Variants in PAMR1 observed in about 807,000 individuals in gnomAD.
The protein encoded by PAMR1 is inactive serine protease PAMR1.
PAMR1 carries 88 observed loss-of-function variants against 81.8 expected under a neutral mutation model. The observed-to-expected ratio is 1.08, with a 90% CI of 0.91 to 1.28. The LOEUF (loss-of-function observed/expected upper bound fraction) is 1.28. Among genes scored for constraint, PAMR1 ranks in the 50% most tolerant of loss-of-function variants. The pLI is 0.00. For synonymous variants in PAMR1, 336 were observed against 345.3 expected (o/e 0.97, Z 0.30); for missense variants, 935 against 919.7 (o/e 1.02, Z -0.21).
intron 1 of PAMR1, 132 bp downstream of exon 1, chr11:35,525,381 C>A (rs1031438711): frequency 6.4e-5 from 45 of 702,042 alleles, no homozygotes; most frequent in Admixed American, 2.2e-4. Context: ...ACCACCCCCC[C>A]TCAACCCCTC....
chr11:35,487,262 G>T (rs183910875), intron 3 of PAMR1, among the ~76,000 whole-genome samples: 1 of 150,028 alleles, frequency 6.7e-6, no homozygotes. Flanking sequence ...ATCCCTGAAA[G>T]CTTCAACTTA....
At chr11:35,488,686 T>TC (rs1438722353) in intron 3 of PAMR1, among the ~76,000 whole-genome samples, 2 of 145,462 alleles carry the variant, frequency 1.4e-5, no homozygotes, top group Non-Finnish European at 3.0e-5. Context: ...TTTTTTTTTT[T>TC]TTTTTTGGAA....
At chr11:35,447,339 A>C (rs1484783550) in intron 6 of PAMR1, among the ~76,000 whole-genome samples, 1 of 151,126 alleles carries the variant, frequency 6.6e-6, no homozygotes, top group African/African-American at 2.4e-5. Context: ...AGTAGCTGGG[A>C]CTACAGCCAC....
At chr11:35,508,712 C>T (rs1046507651) in intron 1 of PAMR1, among the ~76,000 whole-genome samples, 8 of 151,888 alleles carry the variant, frequency 5.3e-5, no homozygotes, top group Admixed American at 2.6e-4. Context: ...AAGTAGGCCC[C>T]AGTGTCCATT....
At chr11:35,522,320 A>G (rs1484519174) in intron 1 of PAMR1, among the ~76,000 whole-genome samples, 3 of 152,166 alleles carry the variant, frequency 2.0e-5, no homozygotes, top group Non-Finnish European at 4.4e-5. Context: ...GCTATTCCAC[A>G]TTGAAACTCT....
At chr11:35,490,119 G>A (rs1170661973) in intron 3 of PAMR1, among the ~76,000 whole-genome samples, 1 of 152,180 alleles carries the variant, frequency 6.6e-6, no homozygotes, top group East Asian at 1.9e-4. Flanking sequence ...AGCTTATGCA[G>A]GGGAACTCCT....
intron 3 of PAMR1, among the ~76,000 whole-genome samples, chr11:35,481,849 G>C (rs1429095705): frequency 2.0e-5 from 3 of 152,058 alleles, no homozygotes; most frequent in Admixed American, 2.0e-4. Context: ...GGAAGTGTCT[G>C]TTCATATCTT....
chr11:35,510,903 A>G (rs1230188027), intron 1 of PAMR1, among the ~76,000 whole-genome samples: 1 of 152,198 alleles, frequency 6.6e-6, no homozygotes, highest in Admixed American at 6.5e-5. Flanking sequence ...ACTTCTCTCA[A>G]CTTCCATGGT....
intron 1 of PAMR1, among the ~76,000 whole-genome samples, chr11:35,515,073 C>T (rs1317940097): frequency 1.3e-5 from 2 of 152,048 alleles, no homozygotes; most frequent in South Asian, 4.1e-4. Context: ...ACTAGAATGA[C>T]GACATTAAAA....
intron 3 of PAMR1, among the ~76,000 whole-genome samples, chr11:35,484,239 G>A (rs1850455996): frequency 6.6e-6 from 1 of 152,218 alleles, no homozygotes. Flanking sequence ...TTTTGTAAAT[G>A]AGGAAACTGA....
At chr11:35,505,713 T>A (rs1850936610) in intron 1 of PAMR1, among the ~76,000 whole-genome samples, 1 of 152,174 alleles carries the variant, frequency 6.6e-6, no homozygotes, top group African/African-American at 2.4e-5. Context: ...AGAATTTCTT[T>A]TGCCATCCCT....
chr11:35,488,669 C>CT (rs34053329), intron 3 of PAMR1, among the ~76,000 whole-genome samples: 14,555 of 43,070 alleles, frequency 0.34, 2,747 homozygotes, highest in Non-Finnish European at 0.44. Context: ...CAAATCTTGC[C>CT]TTTTTTTTTT....
upstream of PAMR1, chr11:35,525,880 A>G: frequency 2.0e-6 from 1 of 493,326 alleles, no homozygotes. Flanking sequence ...GAGGGAGGCC[A>G]GCCTGGGTAC....
At chr11:35,515,987 G>A (rs1226245072) in intron 1 of PAMR1, among the ~76,000 whole-genome samples, 2 of 152,164 alleles carry the variant, frequency 1.3e-5, no homozygotes, top group Admixed American at 6.5e-5. Context: ...TGTGAAACTT[G>A]TGTTAGTGAG....
chr11:35,442,987 T>G (rs1004997089), intron 6 of PAMR1, among the ~76,000 whole-genome samples: 9 of 152,158 alleles, frequency 5.9e-5, no homozygotes, highest in African/African-American at 2.2e-4. Context: ...CCTGAGTATA[T>G]TGCATTATGC....
chr11:35,475,218 A>C (rs1878379), intron 3 of PAMR1, among the ~76,000 whole-genome samples: 42,276 of 152,036 alleles, frequency 0.28, 6,170 homozygotes, highest in African/African-American at 0.35. Context: ...GCAGGAAATC[A>C]AGGCATTAAT....
rs1350197269 is a variant in PAMR1 at position 35,492,110 on chromosome 11, T to C, written c.314A>G (p.Asp105Gly). 1.2e-6 allele frequency: 2 copies of C among 1,614,106 alleles called. No homozygotes were observed. Among genetic ancestry groups the C allele is most frequent in the Admixed American group, 3.3e-5 (2 of 60,006 alleles). The change falls in exon 3 of 11, where the codon GAC becomes GGC. Residue 105 changes from aspartate (D) to glycine (G), a missense_variant. Transcript: ENST00000619888. Reference sequence around the variant, plus strand: ...ACAGTAGAACCCCTTCACATAGAAGTCATCCAAGGTACCCCCCCATGAGCC... The same window carrying C: ...ACAGTAGAACCCCTTCACATAGAAGCCATCCAAGGTACCCCCCCATGAGCC... ...RNGSWGGTLD[D>G]FYVKGFYCAE...
At chr11:35,476,353 A>G (rs1170136659) in intron 3 of PAMR1, among the ~76,000 whole-genome samples, 1 of 152,056 alleles carries the variant, frequency 6.6e-6, no homozygotes, top group African/African-American at 2.4e-5. Context: ...CATAGGAGGG[A>G]CCTGGTGGGA....
rs562125613 is a variant in PAMR1, at chr11:35,460,773, T to C, written c.820+7228A>G. On this transcript the variant is annotated intron_variant, in intron 6 of 10. Coordinates refer to ENST00000619888, the MANE Select transcript of PAMR1 (RefSeq NM_001001991.3). ...AAGTCTTTGCTATTGTGAATAGTGCTGCAATAAACATACGTGTGTGTGCAT... is the reference window on the plus strand; with the variant it reads ...AAGTCTTTGCTATTGTGAATAGTGCCGCAATAAACATACGTGTGTGTGCAT... 4.6e-5 allele frequency among the ~76,000 whole-genome samples: 7 copies of C among 152,330 alleles called. No individual in the cohort carries two copies. In the South Asian group the frequency reaches 1.5e-3, roughly 32 times the overall value.
Sources: allele counts gnomAD v4.1 joint callset (sites outside exome capture counted in the v4.1 genomes callset), GRCh38; gene constraint gnomAD v4.1.1; transcripts MANE v1.5; gene names NCBI Gene and HGNC (gene_info 2026-07-23, HGNC 2026-07-21).